The following ADAM23 variants were observed in gnomAD, a reference collection of about 807,000 sequenced individuals.
The protein encoded by ADAM23 is ADAM metallopeptidase domain 23.
A neutral mutation model predicts 120.1 loss-of-function variants in ADAM23; 33 were observed. The observed-to-expected ratio is 0.27, with a 90% CI of 0.21 to 0.37. ADAM23 has a LOEUF of 0.37. Among genes scored for constraint, ADAM23 ranks in the 10% least tolerant of loss-of-function variants. The probability of loss-of-function intolerance (pLI) is 1.00; values close to 1 mark genes in which losing one functional copy is unlikely to be tolerated. For synonymous variants in ADAM23, 367 were observed against 375.2 expected (o/e 0.98, Z 0.25); for missense variants, 862 against 1,058.2 (o/e 0.81, Z 2.57).
intron 3 of ADAM23, among the ~76,000 whole-genome samples, chr2:206,516,471 A>G (rs965891238): frequency 6.6e-6 from 1 of 152,080 alleles, no homozygotes; most frequent in Non-Finnish European, 1.5e-5. Flanking sequence ...TTTGGAGGCT[A>G]GGAAGTCTAA....
At chr2:206,467,974 A>G (rs1425451608) in intron 2 of ADAM23, among the ~76,000 whole-genome samples, 1 of 152,076 alleles carries the variant, frequency 6.6e-6, no homozygotes, top group Non-Finnish European at 1.5e-5. Context: ...GCCTCTTTTA[A>G]CCATGACTGG....
At chr2:206,543,420 A>G (rs563788241) in intron 6 of ADAM23, 104 bp downstream of exon 6, 3 of 950,574 alleles carry the variant, frequency 3.2e-6, no homozygotes, top group Admixed American at 4.6e-5. Flanking sequence ...GCCTTTGTAC[A>G]TGTTAACTTA....
chr2:206,464,047 T>C (rs1262951272), intron 2 of ADAM23, among the ~76,000 whole-genome samples: 2 of 152,238 alleles, frequency 1.3e-5, no homozygotes, highest in Non-Finnish European at 2.9e-5. Flanking sequence ...GCAATATTTC[T>C]TCTGTTATTA....
intron 2 of ADAM23, among the ~76,000 whole-genome samples, chr2:206,467,748 T>C (rs540831761): frequency 8.9e-4 from 135 of 152,302 alleles, no homozygotes; most frequent in African/African-American, 3.1e-3. Flanking sequence ...ATTTCCCCTC[T>C]GCACTTCCCT....
chr2:206,617,529 T>C (rs894806372), intron 25 of ADAM23, 50 bp from the exon 26 acceptor site: 2 of 1,560,534 alleles, frequency 1.3e-6, no homozygotes, highest in Admixed American at 1.8e-5. Flanking sequence ...CTGATTAATA[T>C]TGTGGATTTT....
chr2:206,562,168 A>G, intron 12 of ADAM23, 35 bp from the exon 13 acceptor site: 1 of 1,569,570 alleles, frequency 6.4e-7, no homozygotes, highest in Non-Finnish European at 8.8e-7. Flanking sequence ...CACTCTCTCA[A>G]ATGTCTCCCA....
chr2:206,612,125 A>C (rs1225578702), intron 25 of ADAM23, among the ~76,000 whole-genome samples: 4 of 152,228 alleles, frequency 2.6e-5, no homozygotes, highest in Admixed American at 2.0e-4. Flanking sequence ...AGGAGTTTAA[A>C]TTTGGAGAAT....
At chr2:206,606,236 G>A (rs1698726660) in intron 24 of ADAM23, among the ~76,000 whole-genome samples, 1 of 151,856 alleles carries the variant, frequency 6.6e-6, no homozygotes, top group African/African-American at 2.4e-5. Context: ...TGTTTTCTTA[G>A]GATTCTTGTA....
At chr2:206,580,849 C>A (rs2105839676) in intron 18 of ADAM23, among the ~76,000 whole-genome samples, 1 of 152,058 alleles carries the variant, frequency 6.6e-6, no homozygotes, top group South Asian at 2.1e-4. Context: ...GGTCCTAGAC[C>A]TTTTTTGGCT....
intron 2 of ADAM23, among the ~76,000 whole-genome samples, chr2:206,479,711 A>G (rs1033260021): frequency 6.6e-6 from 1 of 151,956 alleles, no homozygotes; most frequent in African/African-American, 2.4e-5. Flanking sequence ...TCTCACTCAT[A>G]GTTGTATGGA....
intron 3 of ADAM23, among the ~76,000 whole-genome samples, chr2:206,498,960 C>T (rs1559235295): frequency 6.6e-6 from 1 of 152,304 alleles, no homozygotes; most frequent in East Asian, 1.9e-4. Context: ...CATCTCACAC[C>T]AGTTAGAATG....
chr2:206,599,629 C>T (rs759357022), intron 24 of ADAM23, among the ~76,000 whole-genome samples: 1 of 152,104 alleles, frequency 6.6e-6, no homozygotes, highest in Admixed American at 6.5e-5. Context: ...ATGTGCTTTT[C>T]GTTTTATTCA....
intron 24 of ADAM23, among the ~76,000 whole-genome samples, chr2:206,599,512 A>G (rs1698596307): frequency 6.6e-6 from 1 of 152,222 alleles, no homozygotes; most frequent in African/African-American, 2.4e-5. Flanking sequence ...TAAAAAATCT[A>G]TTAATATACT....
intron 3 of ADAM23, among the ~76,000 whole-genome samples, chr2:206,506,191 G>A (rs1428179771): frequency 6.6e-6 from 1 of 152,182 alleles, no homozygotes; most frequent in Non-Finnish European, 1.5e-5. Flanking sequence ...TTCTAGACAA[G>A]CCTTTTGTTT....
chr2:206,474,216 T>C (rs1695727060), intron 2 of ADAM23, among the ~76,000 whole-genome samples: 1 of 152,150 alleles, frequency 6.6e-6, no homozygotes. Flanking sequence ...ATGGCAAGAA[T>C]GTTCAGCAAA....
At chr2:206,464,554 G>A (rs1025683764) in intron 2 of ADAM23, among the ~76,000 whole-genome samples, 7 of 151,564 alleles carry the variant, frequency 4.6e-5, no homozygotes. Context: ...CAGCCTGGGT[G>A]ACAGAGTGAG....
At chr2:206,460,273 A>G (rs1695388981) in intron 2 of ADAM23, among the ~76,000 whole-genome samples, 1 of 152,164 alleles carries the variant, frequency 6.6e-6, no homozygotes, top group South Asian at 2.1e-4. Flanking sequence ...TTATAATTCT[A>G]TTTTTAATTT....
intron 4 of ADAM23, among the ~76,000 whole-genome samples, chr2:206,531,428 A>G (rs1485169740): frequency 6.6e-6 from 1 of 152,184 alleles, no homozygotes; most frequent in African/African-American, 2.4e-5. Flanking sequence ...CTGCTGTACT[A>G]TGGAAGAAAT....
intron 9 of ADAM23, among the ~76,000 whole-genome samples, chr2:206,553,890 G>C (rs1247676560): frequency 1.3e-5 from 2 of 152,018 alleles, no homozygotes; most frequent in Non-Finnish European, 2.9e-5. Context: ...TAGTTATTTT[G>C]ATAATTCTCA....
Sources: gnomAD v4.1 joint callset for allele counts (sites outside exome capture counted in the v4.1 genomes callset) on GRCh38, gnomAD v4.1.1 for gene constraint, MANE v1.5 for transcripts, NCBI Gene and HGNC (gene_info 2026-07-23, HGNC 2026-07-21) for gene names.